The following PARD3B variants were observed in gnomAD, a reference collection of about 807,000 sequenced individuals.
The protein encoded by PARD3B is par-3 family cell polarity regulator beta, also known as partitioning defective 3 homolog B.
Under a neutral mutation model 130.2 loss-of-function variants are expected in PARD3B, and 103 were observed. The ratio of observed to expected loss-of-function variants is 0.79; its 90% CI spans 0.67 to 0.93. The LOEUF (loss-of-function observed/expected upper bound fraction) is 0.93, where lower values mean the gene tolerates loss of function less well. Among genes scored for constraint, PARD3B ranks in the 40% least tolerant of loss-of-function variants. The probability of loss-of-function intolerance (pLI) is 0.00; values close to 1 mark genes in which losing one functional copy is unlikely to be tolerated. For missense variants in PARD3B, 1,609 were observed against 1,499.2 expected (o/e 1.07, Z -1.21); for synonymous variants, 583 against 553.2 (o/e 1.05, Z -0.76).
intron 20 of PARD3B, among the ~76,000 whole-genome samples, chr2:205,491,654 C>A (rs193010198): frequency 6.6e-6 from 1 of 152,198 alleles, no homozygotes; most frequent in East Asian, 1.9e-4. Context: ...TTCATTGGGT[C>A]AAGGTCCAGC....
chr2:205,220,668 A>G (rs139739961), intron 15 of PARD3B, among the ~76,000 whole-genome samples: 132 of 152,288 alleles, frequency 8.7e-4, no homozygotes, highest in African/African-American at 3.1e-3. Context: ...GAGAATGATA[A>G]GAAGATAATG....
intron 4 of PARD3B, among the ~76,000 whole-genome samples, chr2:205,053,693 C>T (rs1020122468): frequency 2.2e-4 from 33 of 151,156 alleles, no homozygotes; most frequent in African/African-American, 7.8e-4. Context: ...TCTGAGTGAC[C>T]AAATCATATT....
chr2:205,217,913 T>TTGAGATG (rs2038035222), intron 15 of PARD3B, among the ~76,000 whole-genome samples: 1 of 134,294 alleles, frequency 7.4e-6, no homozygotes, highest in Non-Finnish European at 1.6e-5. Flanking sequence ...TTTATTTTTT[T>TTGAGATG]GAGATGGTCT....
chr2:204,871,403 T>C (rs2125648091), intron 2 of PARD3B, among the ~76,000 whole-genome samples: 1 of 152,262 alleles, frequency 6.6e-6, no homozygotes, highest in Admixed American at 6.5e-5. Flanking sequence ...ATTTTAACTT[T>C]AGAAGTAGCT....
At chr2:205,370,219 G>A (rs1459493526) in intron 18 of PARD3B, among the ~76,000 whole-genome samples, 1 of 152,128 alleles carries the variant, frequency 6.6e-6, no homozygotes, top group African/African-American at 2.4e-5. Context: ...TCCCAAACTA[G>A]TCAATTTTTT....
At chr2:204,855,879 A>T (rs1312663269) in intron 2 of PARD3B, among the ~76,000 whole-genome samples, 1 of 152,014 alleles carries the variant, frequency 6.6e-6, no homozygotes, top group African/African-American at 2.4e-5. Context: ...AAAGGATGGA[A>T]TTTTTCTCTT....
intron 2 of PARD3B, among the ~76,000 whole-genome samples, chr2:204,784,306 T>G (rs2041934813): frequency 6.6e-6 from 1 of 152,182 alleles, no homozygotes; most frequent in African/African-American, 2.4e-5. Flanking sequence ...AGATCTTTAC[T>G]AAATGGATTT....
chr2:205,062,457 C>G (rs1235277659), intron 4 of PARD3B, among the ~76,000 whole-genome samples: 1 of 152,224 alleles, frequency 6.6e-6, no homozygotes. Flanking sequence ...CACCCAAACC[C>G]AGAAAGAGTG....
intron 2 of PARD3B, among the ~76,000 whole-genome samples, chr2:204,801,276 C>A (rs556127243): frequency 6.6e-6 from 1 of 152,022 alleles, no homozygotes; most frequent in African/African-American, 2.4e-5. Context: ...TTGATGGGGA[C>A]AGCATTGAAT....
At chr2:205,414,192 C>T (rs370872580) in intron 19 of PARD3B, among the ~76,000 whole-genome samples, 4 of 152,212 alleles carry the variant, frequency 2.6e-5, no homozygotes, top group South Asian at 4.1e-4. Flanking sequence ...ACTCCAAGCC[C>T]GTGATTAGGA....
chr2:204,809,247 G>A (rs936416585), intron 2 of PARD3B, among the ~76,000 whole-genome samples: 2 of 151,992 alleles, frequency 1.3e-5, no homozygotes, highest in Admixed American at 6.6e-5. Context: ...TCTGTTGAAA[G>A]TTTCTTTTGC....
chr2:205,466,643 A>G (rs975824519), intron 20 of PARD3B, among the ~76,000 whole-genome samples: 12 of 152,218 alleles, frequency 7.9e-5, no homozygotes, highest in African/African-American at 2.7e-4. Flanking sequence ...TTATTCCATC[A>G]TTTCGGTTAA....
intron 4 of PARD3B, chr2:205,047,908 A>G (rs376125706): frequency 2.4e-5 from 9 of 374,836 alleles, no homozygotes; most frequent in African/African-American, 1.5e-4. Context: ...GCCAAGTACT[A>G]TTTTACCTGT....
intron 2 of PARD3B, among the ~76,000 whole-genome samples, chr2:204,738,500 A>G (rs1458150599): frequency 6.6e-6 from 1 of 152,204 alleles, no homozygotes; most frequent in Non-Finnish European, 1.5e-5. Flanking sequence ...ATAAATTACC[A>G]CATAGCTTCT....
intron 22 of PARD3B, among the ~76,000 whole-genome samples, chr2:205,570,330 G>T (rs1296682131): frequency 2.6e-5 from 4 of 152,132 alleles, no homozygotes; most frequent in Non-Finnish European, 5.9e-5. Flanking sequence ...CCTTCTTAAA[G>T]GGGTCATTTT....
intron 20 of PARD3B, among the ~76,000 whole-genome samples, chr2:205,443,094 T>C (rs1230858618): frequency 6.6e-6 from 1 of 152,232 alleles, no homozygotes; most frequent in Non-Finnish European, 1.5e-5. Flanking sequence ...GATTTTGTCC[T>C]GGCACATAGT....
At chr2:205,614,940 T>TCACCA (rs2105804394) in intron 22 of PARD3B, among the ~76,000 whole-genome samples, 2 of 152,196 alleles carry the variant, frequency 1.3e-5, no homozygotes, top group South Asian at 4.2e-4. Flanking sequence ...AACATTTCTA[T>TCACCA]CACCATGCCT....
chr2:205,491,460 G>C (rs930586483), intron 20 of PARD3B, among the ~76,000 whole-genome samples: 1 of 152,066 alleles, frequency 6.6e-6, no homozygotes, highest in Non-Finnish European at 1.5e-5. Context: ...CTGTTCTATT[G>C]GTCTATATCT....
intron 2 of PARD3B, among the ~76,000 whole-genome samples, chr2:204,779,956 C>T (rs1006152527): frequency 6.6e-6 from 1 of 152,030 alleles, no homozygotes; most frequent in Non-Finnish European, 1.5e-5. Context: ...ATATAAAAGG[C>T]CCCATTGAAT....
Sources: gnomAD v4.1 joint callset for allele counts (sites outside exome capture counted in the v4.1 genomes callset) on GRCh38, gnomAD v4.1.1 for gene constraint, MANE v1.5 for transcripts, NCBI Gene and HGNC (gene_info 2026-07-23, HGNC 2026-07-21) for gene names.